SCHIP1: variants seen among roughly 807,000 people sequenced by gnomAD.
The protein encoded by SCHIP1 is schwannomin interacting protein 1.
SCHIP1 carries 8 observed loss-of-function variants against 29.7 expected under a neutral mutation model. The observed-to-expected ratio is 0.27, with a 90% CI of 0.16 to 0.49. The LOEUF (loss-of-function observed/expected upper bound fraction) is 0.49, where lower values mean the gene tolerates loss of function less well. SCHIP1 is among the 20% of genes least tolerant of loss of function. The probability of loss-of-function intolerance (pLI) is 0.99; values close to 1 mark genes in which losing one functional copy is unlikely to be tolerated. For synonymous variants in SCHIP1, 76 were observed against 94.9 expected (o/e 0.80, Z 1.16); for missense variants, 193 against 294.6 (o/e 0.66, Z 2.52).
chr3:159,463,591 AT>A, the SCHIP1 span, among the ~76,000 whole-genome samples: 1 of 152,126 alleles, frequency 6.6e-6, no homozygotes, highest in Non-Finnish European at 1.5e-5. Flanking sequence ...ATTATGTTAC[AT>A]AATACTGAAG....
the SCHIP1 span, among the ~76,000 whole-genome samples, chr3:159,350,271 C>T: frequency 6.6e-6 from 1 of 152,068 alleles, no homozygotes; most frequent in East Asian, 1.9e-4. Flanking sequence ...TCCTTTTGAC[C>T]TCAAAGCCCA....
At chr3:159,514,769 GAA>G in the SCHIP1 span, among the ~76,000 whole-genome samples, 1 of 152,186 alleles carries the variant, frequency 6.6e-6, no homozygotes, top group South Asian at 2.1e-4. Context: ...GCCTCTCCCT[GAA>G]CTGCAGACTT....
intron 4 of SCHIP1, 117 bp downstream of exon 5, chr3:159,888,022 A>AG: frequency 7.4e-7 from 1 of 1,344,682 alleles, no homozygotes; most frequent in South Asian, 1.4e-5. Flanking sequence ...GTTTGTAAAA[A>AG]GTCCTGTCAT....
At chr3:159,570,364 G>A in the SCHIP1 span, among the ~76,000 whole-genome samples, 4 of 152,102 alleles carry the variant, frequency 2.6e-5, no homozygotes, top group African/African-American at 4.8e-5. Context: ...TCTACATATG[G>A]CTAGCCAGTT....
chr3:159,746,223 T>C, the SCHIP1 span, among the ~76,000 whole-genome samples: 1 of 152,262 alleles, frequency 6.6e-6, no homozygotes, highest in Non-Finnish European at 1.5e-5. Context: ...GGGGAATTCC[T>C]CCATCCTTCT....
At chr3:159,376,799 C>A in the SCHIP1 span, among the ~76,000 whole-genome samples, 3 of 152,156 alleles carry the variant, frequency 2.0e-5, no homozygotes, top group Non-Finnish European at 2.9e-5. Context: ...TGGGCCTGGA[C>A]ACCCCTACTT....
chr3:159,342,885 T>C, the SCHIP1 span, among the ~76,000 whole-genome samples: 1 of 152,240 alleles, frequency 6.6e-6, no homozygotes, highest in Non-Finnish European at 1.5e-5. Context: ...TTGTTTATAA[T>C]GTAAATTAGT....
At chr3:159,433,866 C>T in the SCHIP1 span, among the ~76,000 whole-genome samples, 1 of 152,096 alleles carries the variant, frequency 6.6e-6, no homozygotes, top group Admixed American at 6.6e-5. Flanking sequence ...TAAATATTTG[C>T]TATTTGAACT....
the SCHIP1 span, chr3:159,808,299 A>T: frequency 2.0e-5 from 3 of 152,258 alleles, no homozygotes; most frequent in Non-Finnish European, 4.4e-5. Context: ...ATTTCAAGCT[A>T]ATTTACCCAA....
the SCHIP1 span, among the ~76,000 whole-genome samples, chr3:159,825,933 G>A: frequency 2.0e-5 from 3 of 152,178 alleles, no homozygotes; most frequent in Non-Finnish European, 4.4e-5. Flanking sequence ...ACAGTTGCAG[G>A]CACGAGCTTG....
At chr3:159,638,688 C>T in the SCHIP1 span, among the ~76,000 whole-genome samples, 1 of 151,686 alleles carries the variant, frequency 6.6e-6, no homozygotes, top group Non-Finnish European at 1.5e-5. Context: ...CTCCATTGAG[C>T]CTGTCCCACT....
chr3:159,357,269 T>C, the SCHIP1 span, among the ~76,000 whole-genome samples: 1 of 152,282 alleles, frequency 6.6e-6, no homozygotes, highest in South Asian at 2.1e-4. Context: ...CCCACAGAAT[T>C]TACTAGGATT....
chr3:159,374,450 T>TA, the SCHIP1 span, among the ~76,000 whole-genome samples: 11 of 152,288 alleles, frequency 7.2e-5, no homozygotes, highest in South Asian at 1.9e-3. Context: ...CTGTGGGTAC[T>TA]AATAAGTAGA....
chr3:159,711,860 C>A, the SCHIP1 span, among the ~76,000 whole-genome samples: 97 of 152,340 alleles, frequency 6.4e-4, no homozygotes, highest in African/African-American at 2.3e-3. Context: ...GCTGCCAACT[C>A]TGCCTGAGTC....
the SCHIP1 span, among the ~76,000 whole-genome samples, chr3:159,769,510 G>A: frequency 9.2e-5 from 14 of 152,166 alleles, no homozygotes; most frequent in Non-Finnish European, 1.9e-4. Flanking sequence ...AGCACTTTGG[G>A]AGGCCAAGGC....
chr3:159,533,174 C>G, the SCHIP1 span, among the ~76,000 whole-genome samples: 1 of 152,044 alleles, frequency 6.6e-6, no homozygotes, highest in Non-Finnish European at 1.5e-5. Flanking sequence ...GCAAAGGAAG[C>G]TGACCAAGGC....
intron 2 of SCHIP1, among the ~76,000 whole-genome samples, chr3:159,877,446 G>A (rs184051836): frequency 3.9e-5 from 6 of 152,330 alleles, no homozygotes; most frequent in East Asian, 1.9e-4. Flanking sequence ...TCACGACTGC[G>A]TAGAATTCAA....
chr3:159,669,642 G>A, the SCHIP1 span, among the ~76,000 whole-genome samples: 1 of 152,148 alleles, frequency 6.6e-6, no homozygotes, highest in African/African-American at 2.4e-5. Flanking sequence ...TTGTCTTCAA[G>A]TTCTCTCCAA....
chr3:159,605,639 A>G, the SCHIP1 span, among the ~76,000 whole-genome samples: 8 of 152,344 alleles, frequency 5.3e-5, no homozygotes, highest in East Asian at 1.5e-3. Flanking sequence ...TGACCTAAAA[A>G]TGCAATCAAA....
Sources: gnomAD v4.1 joint callset for allele counts (sites outside exome capture counted in the v4.1 genomes callset) on GRCh38, gnomAD v4.1.1 for gene constraint, MANE v1.5 for transcripts, NCBI Gene and HGNC (gene_info 2026-07-23, HGNC 2026-07-21) for gene names.